Variants in FAT3 observed in about 807,000 individuals in gnomAD.
FAT3 encodes protocadherin Fat 3.
A neutral mutation model predicts 310.2 loss-of-function variants in FAT3; 95 were observed. The ratio of observed to expected loss-of-function variants is 0.31; its 90% CI spans 0.26 to 0.36. The LOEUF (loss-of-function observed/expected upper bound fraction) is 0.36. FAT3 is among the 10% of genes least tolerant of loss of function. FAT3 has a pLI of 1.00. For missense variants in FAT3, 5,408 were observed against 5,715.6 expected (o/e 0.95, Z 1.74); for synonymous variants, 2,314 against 2,192.9 (o/e 1.06, Z -1.54).
chr11:92,825,191 A>G (rs1208343368), intron 13 of FAT3, among the ~76,000 whole-genome samples: 3 of 152,194 alleles, frequency 2.0e-5, no homozygotes, highest in Non-Finnish European at 4.4e-5. Flanking sequence ...CATCACCTGC[A>G]TATGTTATGT....
chr11:92,736,838 G>A (rs1167046622), intron 4 of FAT3, among the ~76,000 whole-genome samples: 3 of 152,016 alleles, frequency 2.0e-5, no homozygotes, highest in Non-Finnish European at 4.4e-5. Context: ...TTCTAGGGTG[G>A]TCTTTTATTT....
chr11:92,315,455 A>ATG (rs1157835093), intron 1 of FAT3, among the ~76,000 whole-genome samples: 3,128 of 107,032 alleles, frequency 0.029, 87 homozygotes, highest in Middle Eastern at 0.057. Context: ...GTGTATATAT[A>ATG]TGTGTGTGTG....
chr11:92,590,687 G>A (rs1277847576), intron 3 of FAT3, among the ~76,000 whole-genome samples: 1 of 152,098 alleles, frequency 6.6e-6, no homozygotes, highest in Non-Finnish European at 1.5e-5. Context: ...TAATCTAGTT[G>A]AGTCAGGTAC....
intron 4 of FAT3, among the ~76,000 whole-genome samples, chr11:92,730,465 G>A (rs1382026339): frequency 1.3e-5 from 2 of 152,180 alleles, no homozygotes; most frequent in East Asian, 3.9e-4. Flanking sequence ...TATTTGGAAG[G>A]TGAGGACGTG....
chr11:92,638,193 T>G (rs188839460), intron 3 of FAT3, among the ~76,000 whole-genome samples: 2 of 152,330 alleles, frequency 1.3e-5, no homozygotes, highest in East Asian at 3.9e-4. Context: ...ATTTGCATAT[T>G]AAATTTAAGC....
chr11:92,655,673 CT>C (rs1393555892), intron 3 of FAT3, among the ~76,000 whole-genome samples: 1 of 152,200 alleles, frequency 6.6e-6, no homozygotes, highest in Non-Finnish European at 1.5e-5. Context: ...GAAGTGCCCT[CT>C]TCTGACTCCA....
At chr11:92,628,241 T>G (rs1026587305) in intron 3 of FAT3, among the ~76,000 whole-genome samples, 8 of 152,232 alleles carry the variant, frequency 5.3e-5, no homozygotes, top group African/African-American at 1.9e-4. Context: ...AATGTAAATT[T>G]TGTCTTATGT....
chr11:92,293,107 A>C (rs974612451), intron 1 of FAT3, among the ~76,000 whole-genome samples: 3 of 151,366 alleles, frequency 2.0e-5, no homozygotes, highest in African/African-American at 4.8e-5. Flanking sequence ...GAAAGGAAGG[A>C]AGGCTGGCTC....
chr11:92,861,901 G>A (rs1714600933), intron 21 of FAT3, among the ~76,000 whole-genome samples: 1 of 152,204 alleles, frequency 6.6e-6, no homozygotes, highest in Non-Finnish European at 1.5e-5. Context: ...AGTACTTAAA[G>A]TACTCAGTGG....
At chr11:92,301,632 A>G (rs1947000548) in intron 1 of FAT3, among the ~76,000 whole-genome samples, 2 of 152,130 alleles carry the variant, frequency 1.3e-5, no homozygotes, top group South Asian at 2.1e-4. Flanking sequence ...ACTTATACCC[A>G]TTAGTCTCAA....
chr11:92,799,869 A>G lies in FAT3; in HGVS notation c.6856A>G (p.Ile2286Val), dbSNP rs1248714173. 1.2e-6 allele frequency: 2 copies of G among 1,613,048 alleles called. No individual in the cohort carries two copies. Among genetic ancestry groups the G allele is most frequent in the Non-Finnish European group, 1.7e-6 (2 of 1,179,596 alleles). The change falls in exon 10 of 28, where the codon ATT (isoleucine) becomes GTT (valine). Residue 2286 changes from isoleucine to valine, a missense_variant. Physicochemically the swap from Ile to Val is conservative, Grantham distance 29 (BLOSUM62 3). Transcript: ENST00000525166. ...TAATGATGTAAATGACAACCCCCCT[A>G]TTTTCGATCAGCCTACATACAATAC... Reference protein sequence around the residue: ...LVNDVNDNPPIFDQPTYNTTL... With the variant: ...LVNDVNDNPPVFDQPTYNTTL...
Position 92,796,478 on chromosome 11 carries a change from G to T in FAT3, c.4823-1358G>T, listed in dbSNP as rs141248720. 8.0e-3 allele frequency among the ~76,000 whole-genome samples: 1,219 copies of T among 152,184 alleles called. 15 individuals are homozygous for T. Among genetic ancestry groups the T allele is most frequent in the African/African-American group, 0.028 (1,152 of 41,516 alleles). On this transcript the variant is annotated intron_variant, in intron 9 of 27. Coordinates refer to ENST00000525166, the MANE Select transcript of FAT3 (RefSeq NM_001367949.2). The stretch of plus-strand genomic sequence containing the variant: ...AGACATGGAAAACTTTATATAATTA[G>T]CATGTAGGAAGAGGTATGTAGACAC...
At chr11:92,252,554 A>C (rs545952585) in intron 1 of FAT3, among the ~76,000 whole-genome samples, 139 of 152,236 alleles carry the variant, frequency 9.1e-4, no homozygotes, top group African/African-American at 3.2e-3. Flanking sequence ...TCTCTAAATC[A>C]TGTCAACAGA....
At chr11:92,432,461 T>C (rs1416352753) in intron 2 of FAT3, among the ~76,000 whole-genome samples, 1 of 152,130 alleles carries the variant, frequency 6.6e-6, no homozygotes, top group African/African-American at 2.4e-5. Context: ...GTCCTCCTTT[T>C]TGTTGATGTT....
chr11:92,446,009 T>C (rs1258253566), intron 2 of FAT3, among the ~76,000 whole-genome samples: 4 of 152,212 alleles, frequency 2.6e-5, no homozygotes, highest in Non-Finnish European at 5.9e-5. Context: ...ATTCGTTTGC[T>C]AATCACTCCT....
rs764924603 is a variant in FAT3 at position 92,354,326 on chromosome 11, T to A, written c.2214T>A (p.Asp738Glu). The A allele has an allele frequency of 3.1e-6, 5 of 1,613,814 alleles. No homozygotes were observed. The East Asian group carries it at 8.9e-5, about 29-fold the overall frequency. ...SFPSDVAVKE[D>E]LPVGANILKI... is the part of the protein sequence containing the mutation. ...CTTCTGATGTGGCTGTAAAGGAGGA[T>A]CTGCCAGTTGGTGCTAACATTCTGA... Residue 738 changes from aspartate to glutamate, a missense_variant, in exon 2 of 28, where the codon GAT (aspartate) becomes GAA (glutamate). Physicochemically the swap from Asp to Glu is conservative, Grantham distance 45. Around this residue, in one of 5 missense-constraint regions of FAT3, gnomAD observed 4,588 missense variants for 4,809.8 expected, o/e 0.95. Coordinates refer to ENST00000525166, the MANE Select transcript of FAT3 (RefSeq NM_001367949.2).
At chr11:92,763,335 A>G (rs1459781315) in intron 5 of FAT3, among the ~76,000 whole-genome samples, 2 of 151,838 alleles carry the variant, frequency 1.3e-5, no homozygotes, top group Non-Finnish European at 2.9e-5. Flanking sequence ...GTGGGCAGAG[A>G]AAAAAAATAT....
At chr11:92,574,276 C>T (rs912844841) in intron 3 of FAT3, among the ~76,000 whole-genome samples, 2 of 152,092 alleles carry the variant, frequency 1.3e-5, no homozygotes, top group African/African-American at 4.8e-5. Context: ...CTTAAACTCC[C>T]CAACCCCACA....
At chr11:92,629,882 C>A (rs188823930) in intron 3 of FAT3, among the ~76,000 whole-genome samples, 3 of 152,232 alleles carry the variant, frequency 2.0e-5, no homozygotes, top group Non-Finnish European at 4.4e-5. Flanking sequence ...CAGAATTCAC[C>A]AGAGGAGCCT....
Sources: gnomAD v4.1 joint callset for allele counts (sites outside exome capture counted in the v4.1 genomes callset) on GRCh38, gnomAD v4.1.1 for gene constraint, gnomAD v4.1.1 regional missense constraint, MANE v1.5 for transcripts, NCBI Gene and HGNC (gene_info 2026-07-23, HGNC 2026-07-21) for gene names.